The following VPS13B variants were observed in gnomAD, a reference collection of about 807,000 sequenced individuals.
VPS13B encodes intermembrane lipid transfer protein VPS13B.
A neutral mutation model predicts 426.4 loss-of-function variants in VPS13B; 285 were observed. The observed-to-expected ratio is 0.67, with a 90% CI of 0.61 to 0.74. VPS13B has a LOEUF of 0.74. Ranked by LOEUF, VPS13B falls within the 30% of genes least tolerant of loss-of-function variation. The pLI is 0.00. For synonymous variants in VPS13B, 1,676 were observed against 1,676.4 expected (o/e 1.00, Z 0.01); for missense variants, 4,537 against 4,782.6 (o/e 0.95, Z 1.51).
intron 17 of VPS13B, among the ~76,000 whole-genome samples, chr8:99,272,797 G>C (rs577950785): frequency 1.3e-5 from 2 of 151,990 alleles, no homozygotes; most frequent in Non-Finnish European, 2.9e-5. Context: ...TCTATACAGA[G>C]CATGTGAATT....
intron 24 of VPS13B, among the ~76,000 whole-genome samples, chr8:99,477,421 A>G (rs746874172): frequency 3.9e-5 from 6 of 152,280 alleles, no homozygotes; most frequent in Non-Finnish European, 8.8e-5. Flanking sequence ...TGTCCTTTTT[A>G]TACCATTGGC....
chr8:99,339,426 A>G (rs1411397602), intron 19 of VPS13B, among the ~76,000 whole-genome samples: 1 of 152,022 alleles, frequency 6.6e-6, no homozygotes, highest in African/African-American at 2.4e-5. Context: ...CACACTTTTA[A>G]ATGACCAGAT....
chr8:99,423,933 T>TCAGCTTGA (rs2133386732), intron 21 of VPS13B, among the ~76,000 whole-genome samples: 1 of 152,308 alleles, frequency 6.6e-6, no homozygotes, highest in South Asian at 2.1e-4. Context: ...GTCCGCTTGG[T>TCAGCTTGA]GCACAGCTGA....
At chr8:99,428,789 C>A (rs1816898777) in intron 21 of VPS13B, among the ~76,000 whole-genome samples, 1 of 152,074 alleles carries the variant, frequency 6.6e-6, no homozygotes, top group African/African-American at 2.4e-5. Context: ...GGTATATGCC[C>A]AAAGTATTAT....
chr8:99,364,590 G>T (rs1024855349), intron 19 of VPS13B, among the ~76,000 whole-genome samples: 13 of 151,982 alleles, frequency 8.6e-5, no homozygotes, highest in African/African-American at 3.1e-4. Context: ...GTGCTACCAT[G>T]CACAACTAAT....
At chr8:99,829,031 C>T (rs1814891922) in intron 51 of VPS13B, among the ~76,000 whole-genome samples, 1 of 152,150 alleles carries the variant, frequency 6.6e-6, no homozygotes, top group African/African-American at 2.4e-5. Context: ...CTGCCCTTAA[C>T]ATTTTTTCCT....
Position 99,875,353 on chromosome 8 carries a change from A to ACTAATTTTGTT in VPS13B, c.11746-62_11746-52dup. On this transcript the variant is annotated intron_variant, in intron 61 of 61. Transcript: ENST00000357162. ...TGTACAAATATATCGAGGCAAAAGA[A>ACTAATTTTGTT]CTAATTTTGTTCTGGAACTCTCGTA... 1.6e-5 allele frequency: 25 copies of ACTAATTTTGTT among 1,609,950 alleles called. 3 individuals carry two copies. The South Asian group carries it at 2.6e-4, about 17-fold the overall frequency.
intron 35 of VPS13B, among the ~76,000 whole-genome samples, chr8:99,689,038 G>A (rs1375547196): frequency 6.6e-6 from 1 of 151,986 alleles, no homozygotes; most frequent in African/African-American, 2.4e-5. Flanking sequence ...TCTTGAAAAA[G>A]GGACTGTTCA....
At chr8:99,818,975 A>AGGGGGGGGGTG in intron 47 of VPS13B, 87 bp downstream of exon 47, 1 of 133,540 alleles carries the variant, frequency 7.5e-6, no homozygotes. Context: ...GCGGCGGGGG[A>AGGGGGGGGGTG]GGGGTGGGTA....
intron 33 of VPS13B, among the ~76,000 whole-genome samples, chr8:99,638,965 T>C (rs577968356): frequency 2.0e-5 from 3 of 152,296 alleles, no homozygotes; most frequent in Non-Finnish European, 4.4e-5. Flanking sequence ...AATTGTATAC[T>C]CCATTCCCTC....
At chr8:99,395,299 C>T (rs778146483) in intron 21 of VPS13B, among the ~76,000 whole-genome samples, 2 of 152,198 alleles carry the variant, frequency 1.3e-5, no homozygotes, top group Non-Finnish European at 2.9e-5. Flanking sequence ...CAATAGAGTT[C>T]TTGAGAGTTT....
rs571704465 is a variant in VPS13B at position 99,499,723 on chromosome 8, CACAA to C, written c.3871-1960_3871-1957del. ...TGTAAAAGCATTTATATGAAAACTG[CACAA>C]ACAGTGAGATATTTGCTTTGCTTGG... On this transcript the variant is annotated intron_variant, in intron 25 of 61. Transcript: ENST00000357162. Among the ~76,000 whole-genome samples, 960 of 152,200 alleles carry C rather than the reference CACAA, an allele frequency of 6.3e-3. 6 individuals carry two copies. The highest frequency in any genetic ancestry group is 0.022 in the African/African-American group (901 of 41,542).
intron 30 of VPS13B, among the ~76,000 whole-genome samples, chr8:99,545,214 C>A (rs1823904619): frequency 6.6e-6 from 1 of 152,000 alleles, no homozygotes. Context: ...TTATGTCATT[C>A]CTTCTGTTGG....
chr8:99,188,329 T>C (rs1813338720), intron 16 of VPS13B, among the ~76,000 whole-genome samples: 1 of 152,156 alleles, frequency 6.6e-6, no homozygotes, highest in Admixed American at 6.5e-5. Flanking sequence ...CAGAATAATA[T>C]AATATGTGAC....
At chr8:99,478,463 T>TTTTTTTTTTTTTTTTTTTTTTTTTTTTG (rs1819851402) in intron 24 of VPS13B, among the ~76,000 whole-genome samples, 1 of 112,882 alleles carries the variant, frequency 8.9e-6, no homozygotes, top group African/African-American at 3.5e-5. Context: ...TTTTTTTTTT[T>TTTTTTTTTTTTTTTTTTTTTTTTTTTTG]TTGTTTTTTG....
chr8:99,859,574 G>A, intron 57 of VPS13B, 94 bp downstream of exon 57: 8 of 1,512,428 alleles, frequency 5.3e-6, no homozygotes, highest in Non-Finnish European at 6.2e-6. Context: ...CATTCAGATT[G>A]CCTCTAGCTT....
intron 25 of VPS13B, among the ~76,000 whole-genome samples, chr8:99,493,296 CT>C (rs1307698917): frequency 6.6e-6 from 1 of 152,118 alleles, no homozygotes; most frequent in Non-Finnish European, 1.5e-5. Flanking sequence ...TTTATACTCT[CT>C]TTATAAATGA....
At chr8:99,697,330 C>T (rs1832069308) in intron 35 of VPS13B, 1 of 567,172 alleles carries the variant, frequency 1.8e-6, no homozygotes, top group Non-Finnish European at 3.1e-6. Context: ...GTGGAAGCCA[C>T]CCCTCGAAGG....
At chr8:99,115,902 C>A in intron 7 of VPS13B, 28 bp downstream of exon 7, 2 of 1,604,914 alleles carry the variant, frequency 1.2e-6, no homozygotes, top group South Asian at 2.2e-5. Flanking sequence ...TAAACAAAAA[C>A]TTTATTTTAA....
Sources: gnomAD v4.1 joint callset for allele counts (sites outside exome capture counted in the v4.1 genomes callset) on GRCh38, gnomAD v4.1.1 for gene constraint, MANE v1.5 for transcripts, NCBI Gene and HGNC (gene_info 2026-07-23, HGNC 2026-07-21) for gene names.